Variants in HIBCH observed in about 807,000 individuals in gnomAD.
HIBCH encodes the protein 3-hydroxyisobutyryl-CoA hydrolase.
In HIBCH, 50 loss-of-function variants were observed where a neutral mutation model predicts 58.2. The observed-to-expected ratio is 0.86, with a 90% CI of 0.68 to 1.09. The LOEUF is 1.09. Among genes scored for constraint, HIBCH ranks in the 50% least tolerant of loss-of-function variants. HIBCH has a pLI of 0.00. For synonymous variants in HIBCH, 151 were observed against 146.9 expected, an observed-to-expected ratio of 1.03 and a Z score of -0.20; for missense variants, 450 against 449.7, an observed-to-expected ratio of 1.00 and a Z score of -0.01.
intron 6 of HIBCH, among the ~76,000 whole-genome samples, chr2:190,272,152 G>A (rs1687417074): frequency 6.6e-6 from 1 of 152,130 alleles, no homozygotes. Flanking sequence ...GTTAAGGCTG[G>A]TATTGTTTAA....
intron 6 of HIBCH, among the ~76,000 whole-genome samples, chr2:190,267,600 T>C (rs1687278646): frequency 6.6e-6 from 1 of 152,224 alleles, no homozygotes; most frequent in Admixed American, 6.5e-5. Flanking sequence ...GCTAGTGCCA[T>C]ATTGTTCACT....
At chr2:190,287,393 T>C (rs1331588068) in intron 6 of HIBCH, among the ~76,000 whole-genome samples, 193 bp downstream of exon 6, 1 of 152,188 alleles carries the variant, frequency 6.6e-6, no homozygotes, top group Non-Finnish European at 1.5e-5. Flanking sequence ...AAAATATTCT[T>C]TTGGGCTGGG....
chr2:190,279,366 C>A lies in HIBCH; in HGVS notation c.438+8220G>T, dbSNP rs1454145560. 1.3e-5 allele frequency among the ~76,000 whole-genome samples: 2 copies of A among 152,180 alleles called. No individual in the cohort carries two copies. The highest frequency in any genetic ancestry group is 4.8e-5 in the African/African-American group (2 of 41,448). ...CATCCCTGACCTCCCAAACTCATATCCTTCTCACATACAAATACATTCACT... is the reference window on the plus strand; with the variant it reads ...CATCCCTGACCTCCCAAACTCATATACTTCTCACATACAAATACATTCACT... On this transcript the variant is annotated intron_variant, in intron 6 of 13. Coordinates refer to ENST00000359678, the MANE Select transcript of HIBCH (RefSeq NM_014362.4). The surrounding 1 kb of genome is among the most constrained non-coding windows in gnomAD (Gnocchi z 4.2).
intron 7 of HIBCH, 94 bp from the exon 8 acceptor site, chr2:190,252,401 C>T (rs1686801819): frequency 9.5e-7 from 1 of 1,053,964 alleles, no homozygotes; most frequent in Non-Finnish European, 1.4e-6. Context: ...CCATTTCTCT[C>T]TGGAGCTTGA....
At chr2:190,298,071 C>T (rs993248226) in intron 2 of HIBCH, among the ~76,000 whole-genome samples, 10 of 152,110 alleles carry the variant, frequency 6.6e-5, no homozygotes, top group Non-Finnish European at 2.9e-5. Context: ...CATGTCCCTG[C>T]GAAGGACATG....
chr2:190,278,494 G>A (rs913431349), intron 6 of HIBCH, among the ~76,000 whole-genome samples: 7 of 152,144 alleles, frequency 4.6e-5, no homozygotes, highest in East Asian at 1.9e-4. Context: ...GTGAGCCGCC[G>A]TGCCCAGCCT....
At chr2:190,309,629 C>T (rs1457115289) in intron 2 of HIBCH, among the ~76,000 whole-genome samples, 1 of 151,306 alleles carries the variant, frequency 6.6e-6, no homozygotes, top group East Asian at 2.0e-4. Context: ...CATCTTGGCT[C>T]ACTGCAAGCT....
chr2:190,300,142 C>T (rs1688222977), intron 2 of HIBCH, among the ~76,000 whole-genome samples: 1 of 152,164 alleles, frequency 6.6e-6, no homozygotes, highest in Admixed American at 6.5e-5. Context: ...GTGCATGTGT[C>T]TTTATGGTAG....
At chr2:190,231,336 A>G (rs1686090099) in intron 11 of HIBCH, among the ~76,000 whole-genome samples, 1 of 152,248 alleles carries the variant, frequency 6.6e-6, no homozygotes, top group African/African-American at 2.4e-5. Context: ...ATACTGATAA[A>G]AGAGAAAAAG....
chr2:190,314,381 G>A (rs7580790), intron 1 of HIBCH, among the ~76,000 whole-genome samples: 13 of 77,462 alleles, frequency 1.7e-4, no homozygotes, highest in African/African-American at 6.7e-4. Context: ...GTATATATGT[G>A]TATATATATG....
At chr2:190,240,336 G>C (rs1050369439) in intron 11 of HIBCH, among the ~76,000 whole-genome samples, 4 of 152,072 alleles carry the variant, frequency 2.6e-5, no homozygotes, top group Admixed American at 6.6e-5. Flanking sequence ...CTGTGGGATC[G>C]GTGGTGATAT....
chr2:190,291,113 T>C (rs1687945247), intron 4 of HIBCH, among the ~76,000 whole-genome samples: 2 of 152,214 alleles, frequency 1.3e-5, no homozygotes, highest in South Asian at 4.1e-4. Context: ...CCTTTGGTAA[T>C]ATGTCTTAAT....
At chr2:190,268,059 A>G (rs1046486492) in intron 6 of HIBCH, among the ~76,000 whole-genome samples, 3 of 152,240 alleles carry the variant, frequency 2.0e-5, no homozygotes, top group African/African-American at 7.2e-5. Context: ...AATAACTCAG[A>G]AATAATCAGA....
chr2:190,273,343 A>G (rs901794933), intron 6 of HIBCH, among the ~76,000 whole-genome samples: 4 of 152,238 alleles, frequency 2.6e-5, no homozygotes, highest in Non-Finnish European at 5.9e-5. Flanking sequence ...CAGTGAGCCA[A>G]GATCACACCA....
chr2:190,299,285 T>C (rs988732841), intron 2 of HIBCH, among the ~76,000 whole-genome samples: 2 of 152,358 alleles, frequency 1.3e-5, no homozygotes, highest in East Asian at 1.9e-4. Flanking sequence ...TCAAGTTGCA[T>C]ATTTAATATT....
chr2:190,289,338 C>T (rs1324195144), intron 5 of HIBCH, among the ~76,000 whole-genome samples: 1 of 151,970 alleles, frequency 6.6e-6, no homozygotes, highest in Non-Finnish European at 1.5e-5. Flanking sequence ...AGGCACATGA[C>T]AAAAACTGAA....
chr2:190,307,171 TA>T (rs975532189), intron 2 of HIBCH, among the ~76,000 whole-genome samples: 5 of 152,172 alleles, frequency 3.3e-5, no homozygotes, highest in African/African-American at 1.2e-4. Context: ...TTAATAATTC[TA>T]GGACACCATC....
intron 6 of HIBCH, among the ~76,000 whole-genome samples, chr2:190,272,978 G>A (rs1487145348): frequency 6.6e-6 from 1 of 151,968 alleles, no homozygotes; most frequent in African/African-American, 2.4e-5. Flanking sequence ...TCACTTAGAT[G>A]ATAATCCATT....
In HIBCH at chr2:190,297,918, C is replaced by G. The variant is rs193212276; in HGVS notation, c.79-965G>C. On this transcript the variant is annotated intron_variant, in intron 2 of 13. Coordinates refer to ENST00000359678, the MANE Select transcript of HIBCH (RefSeq NM_014362.4). The stretch of plus-strand genomic sequence containing the variant: ...TCTCCCTCCCCTTGCCCCCCACCCC[C>G]CAACAGGCCCCAGTGTGTGATGTTC... Among the ~76,000 whole-genome samples the G allele has an allele frequency of 6.2e-3, 931 of 151,166 alleles. 9 individuals are homozygous for G. The highest frequency in any genetic ancestry group is 0.022 in the African/African-American group (883 of 41,022).
Sources: allele counts gnomAD v4.1 joint callset (sites outside exome capture counted in the v4.1 genomes callset), GRCh38; gene constraint gnomAD v4.1.1; non-coding constraint Gnocchi (gnomAD v3.1); transcripts MANE v1.5; gene names NCBI Gene and HGNC (gene_info 2026-07-23, HGNC 2026-07-21).